The following PTPRM variants were observed in gnomAD, a reference collection of about 807,000 sequenced individuals.
PTPRM encodes the protein protein tyrosine phosphatase receptor type M.
PTPRM carries 47 observed loss-of-function variants against 186.7 expected under a neutral mutation model. The ratio of observed to expected loss-of-function variants is 0.25; its 90% CI spans 0.20 to 0.32. PTPRM has a LOEUF of 0.32. PTPRM is among the 10% of genes least tolerant of loss of function. PTPRM has a pLI of 1.00. For missense variants in PTPRM, 1,494 were observed against 1,865.0 expected (o/e 0.80, Z 3.66); for synonymous variants, 668 against 674.9 (o/e 0.99, Z 0.16).
intron 19 of PTPRM, among the ~76,000 whole-genome samples, chr18:8,255,774 C>T (rs8084863): frequency 0.015 from 2,356 of 152,304 alleles, 57 homozygotes; most frequent in African/African-American, 0.053. Flanking sequence ...CCTTGTGCTG[C>T]CCTCCTGGAG....
intron 1 of PTPRM, among the ~76,000 whole-genome samples, chr18:7,652,696 T>G (rs2038743678): frequency 2.2e-5 from 3 of 135,374 alleles, no homozygotes; most frequent in African/African-American, 8.4e-5. Context: ...AGGTGGGAAT[T>G]GAACAGTGAG....
chr18:7,784,000 G>A (rs1034656320), intron 2 of PTPRM, among the ~76,000 whole-genome samples: 5 of 152,036 alleles, frequency 3.3e-5, no homozygotes, highest in Non-Finnish European at 5.9e-5. Flanking sequence ...CTGGCCAGTG[G>A]ATGGTGACGT....
chr18:7,623,177 A>G (rs2037981268), intron 1 of PTPRM, among the ~76,000 whole-genome samples: 1 of 152,096 alleles, frequency 6.6e-6, no homozygotes, highest in African/African-American at 2.4e-5. Flanking sequence ...ATATTTTACA[A>G]TTTAGTTACT....
At chr18:7,861,154 C>T (rs565773265) in intron 2 of PTPRM, among the ~76,000 whole-genome samples, 13 of 152,274 alleles carry the variant, frequency 8.5e-5, no homozygotes, top group South Asian at 2.1e-4. Context: ...CTAGGCTCTT[C>T]GCTCTGTTTC....
intron 11 of PTPRM, among the ~76,000 whole-genome samples, chr18:8,102,656 TTGAAG>T (rs2091343217): frequency 6.6e-6 from 1 of 152,210 alleles, no homozygotes; most frequent in Admixed American, 6.5e-5. Flanking sequence ...ACTTCTTCCA[TTGAAG>T]TGTTGAACCC....
chr18:8,235,740 G>A (rs1339051341), intron 14 of PTPRM, among the ~76,000 whole-genome samples: 2 of 151,710 alleles, frequency 1.3e-5, no homozygotes, highest in African/African-American at 4.8e-5. Context: ...CACCTCTTTT[G>A]CTACATACCA....
intron 4 of PTPRM, among the ~76,000 whole-genome samples, chr18:7,907,575 T>C (rs1011883071): frequency 3.9e-5 from 6 of 152,184 alleles, no homozygotes; most frequent in Non-Finnish European, 8.8e-5. Flanking sequence ...TCTTTGGCCT[T>C]AGGTGCAAAG....
At chr18:7,953,803 C>G (rs953631514) in intron 6 of PTPRM, among the ~76,000 whole-genome samples, 1 of 152,056 alleles carries the variant, frequency 6.6e-6, no homozygotes, top group African/African-American at 2.4e-5. Context: ...TGGCTGTGAT[C>G]GATTAGCTAT....
intron 2 of PTPRM, among the ~76,000 whole-genome samples, chr18:7,820,071 G>T (rs1268073064): frequency 6.6e-6 from 1 of 152,182 alleles, no homozygotes; most frequent in Non-Finnish European, 1.5e-5. Flanking sequence ...TTAAGCTTGG[G>T]TGAAACTGTG....
intron 2 of PTPRM, among the ~76,000 whole-genome samples, chr18:7,834,491 T>TAC (rs36162599): frequency 4.6e-4 from 39 of 84,610 alleles, no homozygotes; most frequent in African/African-American, 1.4e-3. Flanking sequence ...TATACAAGTA[T>TAC]ACACACACAC....
intron 1 of PTPRM, among the ~76,000 whole-genome samples, chr18:7,629,673 G>A (rs1229921080): frequency 6.6e-6 from 1 of 152,136 alleles, no homozygotes; most frequent in African/African-American, 2.4e-5. Flanking sequence ...GAAATTGGAG[G>A]TTTTCCAGAA....
intron 19 of PTPRM, among the ~76,000 whole-genome samples, chr18:8,282,721 A>G (rs1234203112): frequency 1.3e-5 from 2 of 152,182 alleles, no homozygotes; most frequent in African/African-American, 4.8e-5. Flanking sequence ...CAGCAATAGC[A>G]CTGCTGGGCA....
chr18:8,017,123 T>C (rs191807700), intron 7 of PTPRM, among the ~76,000 whole-genome samples: 1 of 152,328 alleles, frequency 6.6e-6, no homozygotes, highest in African/African-American at 2.4e-5. Flanking sequence ...TGTCTTTAAT[T>C]CAAAGGGATC....
intron 7 of PTPRM, among the ~76,000 whole-genome samples, chr18:8,057,169 T>A (rs1489970332): frequency 6.6e-6 from 1 of 151,326 alleles, no homozygotes; most frequent in Non-Finnish European, 1.5e-5. Flanking sequence ...TAATAACCTT[T>A]GAATAGGAAG....
At chr18:8,231,288 A>G (rs1465058834) in intron 14 of PTPRM, among the ~76,000 whole-genome samples, 1 of 152,090 alleles carries the variant, frequency 6.6e-6, no homozygotes, top group Non-Finnish European at 1.5e-5. Context: ...GACTGGGAGG[A>G]GCATCCATAT....
chr18:7,859,972 G>A (rs1216147822), intron 2 of PTPRM, among the ~76,000 whole-genome samples: 1 of 152,192 alleles, frequency 6.6e-6, no homozygotes, highest in Non-Finnish European at 1.5e-5. Context: ...CAAGTGGAGG[G>A]CTAGTAGATT....
chr18:7,759,545 A>G (rs369357956), intron 1 of PTPRM, among the ~76,000 whole-genome samples: 43 of 152,236 alleles, frequency 2.8e-4, no homozygotes, highest in Admixed American at 5.9e-4. Flanking sequence ...TTATGAAGTC[A>G]TTGAATTTGA....
chr18:7,871,397 C>T (rs981257013), intron 2 of PTPRM, among the ~76,000 whole-genome samples: 4 of 152,176 alleles, frequency 2.6e-5, no homozygotes, highest in African/African-American at 7.2e-5. Flanking sequence ...TTGTTTTCTG[C>T]GGTGCCATTC....
chr18:7,578,188 G>T lies in PTPRM; in HGVS notation c.73+10297G>T, dbSNP rs140272614. Among the ~76,000 whole-genome samples the T allele has an allele frequency of 2.4e-3, 368 of 152,006 alleles. 2 individuals are homozygous for T. The highest frequency in any genetic ancestry group is 8.6e-3 in the African/African-American group (357 of 41,416). On this transcript the variant is annotated intron_variant, in intron 1 of 32. Transcript: ENST00000580170. ...ATGATAATGATGATTTTTAGACAGG[G>T]TCTCACTCTTGTCACCCAGGCTGTA...
Sources: gnomAD v4.1 joint callset for allele counts (sites outside exome capture counted in the v4.1 genomes callset) on GRCh38, gnomAD v4.1.1 for gene constraint, MANE v1.5 for transcripts, NCBI Gene and HGNC (gene_info 2026-07-23, HGNC 2026-07-21) for gene names.